Variants in HS1BP3 observed in about 807,000 individuals in gnomAD.
HS1BP3 encodes the protein HCLS1-binding protein 3.
Under a neutral mutation model 33.5 loss-of-function variants are expected in HS1BP3, and 32 were observed. That is an observed-to-expected ratio of 0.95 (90% CI 0.72 to 1.28). HS1BP3 has a LOEUF of 1.28. HS1BP3 is among the 50% of genes most tolerant of loss of function. The pLI is 0.00. For synonymous variants in HS1BP3, 187 were observed against 209.2 expected, an observed-to-expected ratio of 0.89 and a Z score of 0.92; for missense variants, 486 against 502.3, an observed-to-expected ratio of 0.97 and a Z score of 0.31.
chr2:20,564,083 CGT>C (rs1558315030), intron 5 of HS1BP3, among the ~76,000 whole-genome samples: 1 of 152,204 alleles, frequency 6.6e-6, no homozygotes, highest in Non-Finnish European at 1.5e-5. Context: ...CCAGAGTGAA[CGT>C]GGGAACTGTT....
chr2:20,648,564 CAGG>C (rs1314534634), intron 1 of HS1BP3, among the ~76,000 whole-genome samples: 1 of 152,216 alleles, frequency 6.6e-6, no homozygotes, highest in Non-Finnish European at 1.5e-5. Context: ...CTTGCTCAAA[CAGG>C]AGGAGAGGAA....
intron 1 of HS1BP3, 81 bp from the exon 2 acceptor site, chr2:20,645,586 G>A (rs1695495160): frequency 7.1e-7 from 1 of 1,412,784 alleles, no homozygotes; most frequent in African/African-American, 1.4e-5. Context: ...GGGCCTCTGG[G>A]TGCCTGGCAG....
At chr2:20,575,484 C>T (rs1479438408) in intron 5 of HS1BP3, among the ~76,000 whole-genome samples, 1 of 152,256 alleles carries the variant, frequency 6.6e-6, no homozygotes, top group Non-Finnish European at 1.5e-5. Context: ...TTGGTCTCAA[C>T]ATGCAGCCCA....
chr2:20,577,322 C>A (rs1430495243), intron 5 of HS1BP3, among the ~76,000 whole-genome samples: 1 of 152,118 alleles, frequency 6.6e-6, no homozygotes, highest in East Asian at 1.9e-4. Context: ...CCAAACCCAG[C>A]CCTTCAGAAA....
chr2:20,579,881 T>C (rs1018571264), intron 5 of HS1BP3, among the ~76,000 whole-genome samples: 1 of 152,280 alleles, frequency 6.6e-6, no homozygotes, highest in Non-Finnish European at 1.5e-5. Flanking sequence ...GTAAGGCACA[T>C]AAAGTTCCAG....
At chr2:20,632,615 A>AGAGT (rs1188256524) in intron 4 of HS1BP3, among the ~76,000 whole-genome samples, 1 of 152,176 alleles carries the variant, frequency 6.6e-6, no homozygotes, top group Non-Finnish European at 1.5e-5. Context: ...TGTCATCCTA[A>AGAGT]GAGTGTTGTT....
At chr2:20,566,910 C>A (rs538659815) in intron 5 of HS1BP3, among the ~76,000 whole-genome samples, 19 of 152,026 alleles carry the variant, frequency 1.2e-4, no homozygotes, top group African/African-American at 4.6e-4. Flanking sequence ...GCTGGCCCCC[C>A]ACAGGTTCTC....
intron 1 of HS1BP3, among the ~76,000 whole-genome samples, chr2:20,649,425 G>A (rs1336544420): frequency 6.6e-6 from 1 of 152,182 alleles, no homozygotes; most frequent in Admixed American, 6.5e-5. Context: ...ATAGAAAACA[G>A]CATGCATGCC....
chr2:20,588,184 T>C (rs778855466), downstream of HS1BP3, among the ~76,000 whole-genome samples: 1 of 152,170 alleles, frequency 6.6e-6, no homozygotes, highest in Non-Finnish European at 1.5e-5. Flanking sequence ...AAAGTGATGT[T>C]AATTGTCTAT....
In HS1BP3 at chr2:20,624,782, C is replaced by T. The variant is rs1694720254; in HGVS notation, c.734G>A (p.Gly245Asp). The change falls in exon 5 of 7, where the codon GGC becomes GAC. Residue 245 changes from glycine (G) to aspartate (D), a missense_variant. Gly to Asp is a moderately conservative substitution (Grantham distance 94). Coordinates refer to ENST00000304031, the MANE Select transcript of HS1BP3 (RefSeq NM_022460.4). ...VDPDEGLFGP[G>D]RKLSPQDPSE... Reference sequence around the variant, plus strand: ...GGGGTCCTGTGGAGACAGCTTCCTGCCCGGGCCAAAGAGCCCCTCATCAGG... The same window carrying T: ...GGGGTCCTGTGGAGACAGCTTCCTGTCCGGGCCAAAGAGCCCCTCATCAGG... 1.9e-6 allele frequency: 3 copies of T among 1,612,902 alleles called. No homozygotes were observed. In the African/African-American group the frequency reaches 4.0e-5, roughly 22 times the overall value.
chr2:20,606,228 C>T, intron 2 of HS1BP3: 1 of 222,668 alleles, frequency 4.5e-6, no homozygotes, highest in Non-Finnish European at 9.4e-6. Context: ...TTTTCTTTTT[C>T]TTTGATTTAA....
Position 20,641,105 on chromosome 2 carries a change from G to C in HS1BP3, c.274C>G (p.Pro92Ala), listed in dbSNP as rs372550324. Residue 92 changes from proline to alanine, a missense_variant, in exon 3 of 7, where the codon CCA (proline) becomes GCA (alanine). Pro to Ala is a conservative substitution (Grantham distance 27). Transcript: ENST00000304031. ...SSRYAAASLP[P>A]LPRKVLFVGE... ...ACAAACAGGACCTTCCTGGGTAGTGGGGGGAGGCTGGCTGCTGCATAACGA... is the reference window on the plus strand; with the variant it reads ...ACAAACAGGACCTTCCTGGGTAGTGCGGGGAGGCTGGCTGCTGCATAACGA... 8.7e-6 allele frequency: 14 copies of C among 1,613,536 alleles called. No homozygotes were observed. In the Admixed American group the frequency reaches 2.2e-4, roughly 25 times the overall value.
At chr2:20,608,496 C>T (rs987441254) in intron 2 of HS1BP3, among the ~76,000 whole-genome samples, 1 of 149,462 alleles carries the variant, frequency 6.7e-6, no homozygotes, top group South Asian at 2.1e-4. Flanking sequence ...ATCTCTTGAA[C>T]CCGGGAGGTG....
chr2:20,555,266 C>T, the HS1BP3 span, among the ~76,000 whole-genome samples: 33 of 152,240 alleles, frequency 2.2e-4, no homozygotes, highest in Admixed American at 1.9e-3. Flanking sequence ...GCAGGGTCCA[C>T]GGCTTAAGAG....
At chr2:20,632,664 T>C (rs568236523) in intron 4 of HS1BP3, among the ~76,000 whole-genome samples, 90 of 152,328 alleles carry the variant, frequency 5.9e-4, no homozygotes, top group African/African-American at 2.1e-3. Context: ...TGGGGGAGCC[T>C]GAGGCGGGAA....
At chr2:20,629,724 T>C (rs13409778) in intron 4 of HS1BP3, among the ~76,000 whole-genome samples, 17,592 of 152,236 alleles carry the variant, frequency 0.12, 1,213 homozygotes, top group African/African-American at 0.18. Flanking sequence ...CATGTGTGCA[T>C]GGACAGACAC....
intron 1 of HS1BP3, among the ~76,000 whole-genome samples, chr2:20,646,137 T>A (rs1376984650): frequency 6.6e-6 from 1 of 152,228 alleles, no homozygotes; most frequent in African/African-American, 2.4e-5. Flanking sequence ...ATATAATGAA[T>A]TGTATGATGA....
At chr2:20,633,056 C>T (rs1291524495) in intron 4 of HS1BP3, among the ~76,000 whole-genome samples, 1 of 152,252 alleles carries the variant, frequency 6.6e-6, no homozygotes, top group Admixed American at 6.5e-5. Flanking sequence ...CTTTCAGCCA[C>T]TGGGCCTCTA....
rs1376091567 is a variant in HS1BP3 at position 20,580,030 on chromosome 2, G to A, written c.303-19515C>T. On this transcript the variant is annotated intron_variant, in intron 5 of 5. Transcript: ENST00000446825. ...CCTAATCTACATACCCTTATCTAGG[G>A]CAGAAACTCCCTGAACTCATACCCA... Among the ~76,000 whole-genome samples the A allele has an allele frequency of 2.0e-5, 3 of 152,212 alleles. No individual in the cohort carries two copies. The South Asian group carries it at 6.2e-4, about 31-fold the overall frequency.
Sources: gnomAD v4.1 joint callset for allele counts (sites outside exome capture counted in the v4.1 genomes callset) on GRCh38, gnomAD v4.1.1 for gene constraint, MANE v1.5 for transcripts, NCBI Gene and HGNC (gene_info 2026-07-23, HGNC 2026-07-21) for gene names.